ZNF385D: variants seen among roughly 807,000 people sequenced by gnomAD.
ZNF385D encodes the protein zinc finger protein 385D.
In ZNF385D, 15 loss-of-function variants were observed where a neutral mutation model predicts 35.8. That is an observed-to-expected ratio of 0.42 (90% CI 0.28 to 0.64). The LOEUF is 0.64. ZNF385D is among the 30% of genes least tolerant of loss of function. The pLI is 0.23. For missense variants in ZNF385D, 474 were observed against 494.6 expected (o/e 0.96, Z 0.39); for synonymous variants, 212 against 186.8 (o/e 1.13, Z -1.10).
At chr3:21,485,967 T>A (rs942875171) in intron 4 of ZNF385D, among the ~76,000 whole-genome samples, 4 of 150,034 alleles carry the variant, frequency 2.7e-5, no homozygotes, top group Non-Finnish European at 4.4e-5. Context: ...CTCACAGTAT[T>A]TACATTTCAG....
chr3:22,176,441 G>A (rs1694837751), intron 2 of ZNF385D, among the ~76,000 whole-genome samples: 1 of 152,142 alleles, frequency 6.6e-6, no homozygotes, highest in African/African-American at 2.4e-5. Context: ...TTTATGACAG[G>A]AAATTACATT....
intron 2 of ZNF385D, among the ~76,000 whole-genome samples, chr3:22,249,113 A>G (rs1275681723): frequency 2.0e-5 from 3 of 152,132 alleles, no homozygotes; most frequent in East Asian, 1.9e-4. Context: ...TCCACAGCTG[A>G]GAGTCCAGAC....
chr3:21,941,787 A>G lies in ZNF385D; in HGVS notation c.325+227030T>C, dbSNP rs531900744. On this transcript the variant is annotated intron_variant, in intron 3 of 5. Transcript: ENST00000494108. ...GCTGGGATTACAGGGGTGAGCCACC[A>G]TGCCCGGCCTCTTTAATTTCTGTGT... 1.7e-3 allele frequency among the ~76,000 whole-genome samples: 243 copies of G among 147,072 alleles called. 2 individuals are homozygous for G. Among genetic ancestry groups the G allele is most frequent in the Non-Finnish European group, 3.0e-3 (200 of 67,208 alleles).
At chr3:21,685,433 G>A (rs959824381) in intron 1 of ZNF385D, among the ~76,000 whole-genome samples, 4 of 152,152 alleles carry the variant, frequency 2.6e-5, no homozygotes, top group East Asian at 3.9e-4. Flanking sequence ...TGGCAGACTC[G>A]TAAGCATTTG....
At chr3:22,081,296 T>C (rs1700738667) in intron 3 of ZNF385D, among the ~76,000 whole-genome samples, 1 of 152,180 alleles carries the variant, frequency 6.6e-6, no homozygotes, top group African/African-American at 2.4e-5. Context: ...CTATATAGTA[T>C]AGAACTGGGG....
At chr3:21,873,826 T>C (rs1220896698) in intron 3 of ZNF385D, among the ~76,000 whole-genome samples, 1 of 152,132 alleles carries the variant, frequency 6.6e-6, no homozygotes, top group Non-Finnish European at 1.5e-5. Context: ...TTCTTTTGAA[T>C]GGCCAAATAA....
intron 1 of ZNF385D, among the ~76,000 whole-genome samples, chr3:21,682,407 G>A (rs890795531): frequency 6.7e-6 from 1 of 150,026 alleles, no homozygotes; most frequent in African/African-American, 2.5e-5. Context: ...AGAGACTCAG[G>A]GTGACTTAAT....
At chr3:22,264,564 T>C (rs1035627010) in intron 2 of ZNF385D, among the ~76,000 whole-genome samples, 1 of 152,000 alleles carries the variant, frequency 6.6e-6, no homozygotes, top group African/African-American at 2.4e-5. Context: ...TTCCACATTT[T>C]AAATTGAGTT....
intron 3 of ZNF385D, among the ~76,000 whole-genome samples, chr3:22,136,914 A>C (rs1704161762): frequency 1.3e-5 from 2 of 152,160 alleles, no homozygotes; most frequent in South Asian, 4.1e-4. Flanking sequence ...AAGATGAAGG[A>C]TTCTAGAGAA....
At chr3:22,137,880 G>T (rs1298807047) in intron 3 of ZNF385D, among the ~76,000 whole-genome samples, 7 of 151,988 alleles carry the variant, frequency 4.6e-5, no homozygotes, top group Non-Finnish European at 8.8e-5. Flanking sequence ...AAGTCAAATT[G>T]TCCCTGTTTG....
At chr3:21,686,482 T>C (rs769963565) in intron 1 of ZNF385D, among the ~76,000 whole-genome samples, 3 of 152,212 alleles carry the variant, frequency 2.0e-5, no homozygotes, top group Admixed American at 6.5e-5. Flanking sequence ...GAGTCACATA[T>C]GCATTTTTGA....
chr3:21,686,750 G>A (rs1271355484), intron 1 of ZNF385D, among the ~76,000 whole-genome samples: 1 of 152,158 alleles, frequency 6.6e-6, no homozygotes, highest in Non-Finnish European at 1.5e-5. Flanking sequence ...AGAACTTAAT[G>A]TGCAATAGTT....
At chr3:21,728,988 A>T (rs1273068783) in intron 1 of ZNF385D, among the ~76,000 whole-genome samples, 1 of 152,236 alleles carries the variant, frequency 6.6e-6, no homozygotes, top group Non-Finnish European at 1.5e-5. Context: ...GCATGGCAGA[A>T]TTCAGCACAT....
intron 2 of ZNF385D, among the ~76,000 whole-genome samples, chr3:22,261,229 G>C (rs1700613518): frequency 6.6e-6 from 1 of 151,696 alleles, no homozygotes; most frequent in African/African-American, 2.4e-5. Context: ...CCAGACCTCG[G>C]GATATATTCA....
intron 2 of ZNF385D, among the ~76,000 whole-genome samples, chr3:22,305,829 G>A (rs1703177954): frequency 6.6e-6 from 1 of 152,152 alleles, no homozygotes; most frequent in Non-Finnish European, 1.5e-5. Flanking sequence ...TCTCTTAAAT[G>A]TTGTTACTGT....
Position 21,877,261 on chromosome 3 carries a change from C to A in ZNF385D, c.326-212233G>T, listed in dbSNP as rs558346748. On this transcript the variant is annotated intron_variant, in intron 3 of 5. Coordinates refer to the ZNF385D transcript ENST00000494108. ...TTTGGCTCTGTATGAAACTGAGCACCAACCCAGCAAACACTGTACCCAAAC... is the reference window on the plus strand; with the variant it reads ...TTTGGCTCTGTATGAAACTGAGCACAAACCCAGCAAACACTGTACCCAAAC... 7.9e-5 allele frequency among the ~76,000 whole-genome samples: 12 copies of A among 152,104 alleles called. No individual in the cohort carries two copies. In the South Asian group the frequency reaches 1.7e-3, roughly 21 times the overall value.
intron 4 of ZNF385D, among the ~76,000 whole-genome samples, chr3:21,491,611 T>C (rs1027715645): frequency 2.6e-5 from 4 of 152,114 alleles, no homozygotes; most frequent in Non-Finnish European, 5.9e-5. Context: ...AATTAGAGAT[T>C]TACAAACTAT....
intron 2 of ZNF385D, among the ~76,000 whole-genome samples, chr3:22,345,452 A>C (rs966157326): frequency 6.6e-6 from 1 of 152,246 alleles, no homozygotes; most frequent in Non-Finnish European, 1.5e-5. Context: ...TTTATTAAGC[A>C]AATACCTTAG....
At chr3:21,950,066 ATACCC>A (rs1701991147) in intron 3 of ZNF385D, among the ~76,000 whole-genome samples, 2 of 152,120 alleles carry the variant, frequency 1.3e-5, no homozygotes, top group African/African-American at 4.8e-5. Context: ...CTTTGGGTAT[ATACCC>A]AGTAATGGGA....
Sources: allele counts gnomAD v4.1 joint callset (sites outside exome capture counted in the v4.1 genomes callset), GRCh38; gene constraint gnomAD v4.1.1; transcripts MANE v1.5; gene names NCBI Gene and HGNC (gene_info 2026-07-23, HGNC 2026-07-21).